RFX3: variants seen among roughly 807,000 people sequenced by gnomAD.
RFX3 encodes regulatory factor X3.
A neutral mutation model predicts 98.6 loss-of-function variants in RFX3; 14 were observed. The observed-to-expected ratio is 0.14, with a 90% CI of 0.09 to 0.22. RFX3 has a LOEUF of 0.22. Ranked by LOEUF, RFX3 falls within the 10% of genes least tolerant of loss-of-function variation. The pLI is 1.00. For synonymous variants in RFX3, 383 were observed against 328.4 expected (o/e 1.17, Z -1.80); for missense variants, 639 against 926.9 (o/e 0.69, Z 4.03).
chr9:3,516,193 C>T (rs1027333759), intron 1 of RFX3, among the ~76,000 whole-genome samples: 7 of 151,940 alleles, frequency 4.6e-5, no homozygotes, highest in African/African-American at 1.7e-4. Context: ...GGACTACAGG[C>T]GCCCGCCACC....
At chr9:3,452,706 ACT>A (rs1564119327) in intron 1 of RFX3, among the ~76,000 whole-genome samples, 2 of 152,160 alleles carry the variant, frequency 1.3e-5, no homozygotes, top group Admixed American at 6.5e-5. Context: ...CTCTATAGAC[ACT>A]CTGGCTATCT....
intron 2 of RFX3, among the ~76,000 whole-genome samples, chr9:3,352,945 C>G (rs1440031438): frequency 1.3e-5 from 2 of 151,910 alleles, no homozygotes; most frequent in Non-Finnish European, 2.9e-5. Flanking sequence ...TTGGAACCAA[C>G]CCAAATGTCC....
chr9:3,293,354 G>C, intron 5 of RFX3, 96 bp from the exon 6 acceptor site: 1 of 866,886 alleles, frequency 1.2e-6, no homozygotes, highest in Non-Finnish European at 1.7e-6. Context: ...ATACTTAGAA[G>C]TTCTTCATCA....
intron 15 of RFX3, among the ~76,000 whole-genome samples, chr9:3,237,672 C>T (rs918687257): frequency 1.3e-5 from 2 of 152,158 alleles, no homozygotes; most frequent in African/African-American, 4.8e-5. Context: ...TTAATCTTCA[C>T]AAAAGCCCTA....
At chr9:3,500,820 A>G (rs533116505) in intron 1 of RFX3, among the ~76,000 whole-genome samples, 2 of 152,290 alleles carry the variant, frequency 1.3e-5, no homozygotes, top group East Asian at 3.9e-4. Context: ...TTAACTTCCA[A>G]AACAGTTATT....
At chr9:3,310,045 TC>T (rs2130419267) in intron 4 of RFX3, among the ~76,000 whole-genome samples, 1 of 152,292 alleles carries the variant, frequency 6.6e-6, no homozygotes, top group African/African-American at 2.4e-5. Context: ...AACAGTGCTT[TC>T]CCCTGCAAAA....
At chr9:3,396,272 T>A (rs1449892547) in intron 1 of RFX3, among the ~76,000 whole-genome samples, 1 of 152,046 alleles carries the variant, frequency 6.6e-6, no homozygotes, top group Non-Finnish European at 1.5e-5. Flanking sequence ...TTCCCACCTA[T>A]GAGTGAGAAC....
chr9:3,504,936 A>ATATATATAATATAACATATAT (rs1816730481), intron 1 of RFX3, among the ~76,000 whole-genome samples: 1 of 18,912 alleles, frequency 5.3e-5, no homozygotes, highest in Admixed American at 7.4e-4. Flanking sequence ...ATTATATATA[A>ATATATATAATATAACATATAT]TATATATAAT....
chr9:3,298,076 T>TA (rs534541459), intron 5 of RFX3, among the ~76,000 whole-genome samples: 67 of 151,702 alleles, frequency 4.4e-4, no homozygotes, highest in African/African-American at 1.5e-3. Context: ...TCTTCATATA[T>TA]AAAAAAATTA....
chr9:3,247,714 C>G (rs1054379958), intron 15 of RFX3: 6 of 1,516,750 alleles, frequency 4.0e-6, no homozygotes, highest in Admixed American at 2.3e-5. Flanking sequence ...ATCAGGAGCA[C>G]CAATCTTTTT....
At chr9:3,380,711 G>A (rs1377479271) in intron 2 of RFX3, among the ~76,000 whole-genome samples, 1 of 152,124 alleles carries the variant, frequency 6.6e-6, no homozygotes, top group South Asian at 2.1e-4. Context: ...CTAACTTGAA[G>A]TATTACCAAC....
At chr9:3,427,516 T>C (rs1379230239) in intron 1 of RFX3, among the ~76,000 whole-genome samples, 1 of 147,436 alleles carries the variant, frequency 6.8e-6, no homozygotes, top group Admixed American at 6.9e-5. Context: ...ATTGTTACTA[T>C]ATAAATAATA....
chr9:3,475,134 G>A (rs570427252), intron 1 of RFX3, among the ~76,000 whole-genome samples: 71 of 151,386 alleles, frequency 4.7e-4, no homozygotes, highest in African/African-American at 1.7e-3. Flanking sequence ...GAAAAAGGAA[G>A]GAAGGAAGGA....
chr9:3,313,318 G>C (rs1424259430), intron 4 of RFX3, among the ~76,000 whole-genome samples: 7 of 152,164 alleles, frequency 4.6e-5, no homozygotes, highest in Admixed American at 1.3e-4. Flanking sequence ...CTGTTAGAAG[G>C]AAAACTAACA....
At chr9:3,304,332 T>A (rs1056383343) in intron 4 of RFX3, among the ~76,000 whole-genome samples, 2 of 152,054 alleles carry the variant, frequency 1.3e-5, no homozygotes, top group African/African-American at 4.8e-5. Flanking sequence ...CTTTTCTTTT[T>A]TAAGTACATA....
chr9:3,359,647 C>T (rs1349370872), intron 2 of RFX3, among the ~76,000 whole-genome samples: 3 of 152,218 alleles, frequency 2.0e-5, no homozygotes, highest in Non-Finnish European at 4.4e-5. Context: ...ACGGGGAAAA[C>T]ACACTATATT....
At chr9:3,486,546 T>A (rs1017535093) in intron 1 of RFX3, among the ~76,000 whole-genome samples, 1 of 152,214 alleles carries the variant, frequency 6.6e-6, no homozygotes, top group African/African-American at 2.4e-5. Context: ...AACTGCTTTA[T>A]GTCCAGAATA....
chr9:3,445,130 C>G (rs754989661), intron 1 of RFX3, among the ~76,000 whole-genome samples: 2 of 152,102 alleles, frequency 1.3e-5, no homozygotes, highest in Non-Finnish European at 2.9e-5. Context: ...ATGCACTTGT[C>G]AATCTTCAAC....
At chr9:3,348,262 T>C (rs1007223713) in intron 2 of RFX3, among the ~76,000 whole-genome samples, 2 of 152,178 alleles carry the variant, frequency 1.3e-5, no homozygotes, top group Admixed American at 6.5e-5. Context: ...TGTTGGGGCT[T>C]GAACAAGTTC....
Sources: allele counts gnomAD v4.1 joint callset (sites outside exome capture counted in the v4.1 genomes callset), GRCh38; gene constraint gnomAD v4.1.1; transcripts MANE v1.5; gene names NCBI Gene and HGNC (gene_info 2026-07-23, HGNC 2026-07-21).